Variants in WDR11 observed in about 807,000 individuals in gnomAD.
WDR11 encodes the protein WD repeat-containing protein 11.
A neutral mutation model predicts 151.2 loss-of-function variants in WDR11; 83 were observed. The observed-to-expected ratio is 0.55, with a 90% CI of 0.46 to 0.66. WDR11 has a LOEUF of 0.66. Ranked by LOEUF, WDR11 falls within the 30% of genes least tolerant of loss-of-function variation. The pLI, the probability that WDR11 is intolerant of heterozygous loss-of-function variation, is 0.00. For missense variants in WDR11, 1,301 were observed against 1,480.9 expected (o/e 0.88, Z 1.99); for synonymous variants, 484 against 533.1 (o/e 0.91, Z 1.27).
intron 20 of WDR11, 108 bp downstream of exon 20, chr10:120,900,245 T>A: frequency 1.0e-6 from 1 of 984,900 alleles, no homozygotes. Context: ...ATGGAGCCTT[T>A]AAAGCCGAGA....
In WDR11 at chr10:120,906,835, T is replaced by C. The variant is rs1564727721; in HGVS notation, c.3497T>C (p.Phe1166Ser). Residue 1166 changes from phenylalanine (F) to serine (S), a missense_variant, in exon 28 of 29, where the codon TTT becomes TCT. Phe to Ser is a radical substitution (Grantham distance 155). Around this residue, in one of 3 missense-constraint regions of WDR11, gnomAD observed 589 missense variants for 670.6 expected, o/e 0.88. Coordinates refer to ENST00000263461, the MANE Select transcript of WDR11 (RefSeq NM_018117.12). ...FVEACLKYGA[F>S]EVTEDTEKLI... The stretch of plus-strand genomic sequence containing the variant: ...GAAGCTTGCCTCAAGTATGGAGCAT[T>C]TGAAGTCACTGAGGACACAGATATC... 1.2e-6 allele frequency: 2 copies of C among 1,614,188 alleles called. No individual in the cohort carries two copies. Among genetic ancestry groups the C allele is most frequent in the African/African-American group, 1.3e-5 (1 of 75,056 alleles).
At position 120,865,624 on chromosome 10, in the gene WDR11, T is replaced by A. The variant is rs745322297; in HGVS notation, c.880-6T>A. 6.4e-7 allele frequency: 1 copy of A among 1,574,552 alleles called. No homozygotes were observed. Among genetic ancestry groups the A allele is most frequent in the Admixed American group, 1.7e-5 (1 of 59,838 alleles). ...TTTAAAAAATAAATATATCATCTATTTAAAGGTAATACCCTGCTTTCAGCG... is the reference window on the plus strand; with the variant it reads ...TTTAAAAAATAAATATATCATCTATATAAAGGTAATACCCTGCTTTCAGCG... On this transcript the variant is annotated splice_polypyrimidine_tract_variant and splice_region_variant and intron_variant, in intron 6 of 28. Transcript: ENST00000263461.
chr10:120,860,740 T>C (rs561174863), intron 4 of WDR11, among the ~76,000 whole-genome samples: 21 of 152,168 alleles, frequency 1.4e-4, no homozygotes, highest in Non-Finnish European at 2.6e-4. Context: ...CCTAAGCAAG[T>C]TTTTTCTTGC....
chr10:120,894,360 A>G (rs1259486205), intron 19 of WDR11, among the ~76,000 whole-genome samples: 1 of 152,200 alleles, frequency 6.6e-6, no homozygotes, highest in African/African-American at 2.4e-5. Flanking sequence ...TTCATCTGCC[A>G]CAGCTTTCCA....
At position 120,851,429 on chromosome 10, in the gene WDR11, C is replaced by G; in HGVS notation, c.9C>G (p.Pro3=). ...CTGGGCTGGCCGCCGGGATGTTGCC[C>G]TACACAGTGAACTTCAAGGTGTCGG... ML[P]YTVNFKVSAR... is the part of the protein sequence containing the mutation. Residue 3 remains proline (P), a synonymous_variant, in exon 1 of 29, where the codon CCC becomes CCG. Coordinates refer to ENST00000263461, the MANE Select transcript of WDR11 (RefSeq NM_018117.12). 6.2e-7 allele frequency: 1 copy of G among 1,611,384 alleles called. No individual in the cohort carries two copies. The highest frequency in any genetic ancestry group is 2.2e-5 in the East Asian group (1 of 44,808).
intron 27 of WDR11, chr10:120,906,346 G>A (rs916862490): frequency 7.9e-7 from 1 of 1,262,766 alleles, no homozygotes; most frequent in Non-Finnish European, 1.0e-6. Flanking sequence ...AGAGCAGGGG[G>A]AGAGGCGACA....
intron 18 of WDR11, 102 bp from the exon 19 acceptor site, chr10:120,890,614 A>C: frequency 7.1e-7 from 1 of 1,409,834 alleles, no homozygotes; most frequent in Middle Eastern, 1.8e-4. Flanking sequence ...TCTAAACTTG[A>C]ACTGGGCCTT....
chr10:120,856,203 C>G (rs1198395702), intron 2 of WDR11: 1 of 152,084 alleles, frequency 6.6e-6, no homozygotes. Context: ...AGTATTTCAC[C>G]TTTGTTTTCG....
In WDR11 at chr10:120,867,171, T is replaced by C; in HGVS notation, c.1294+2T>C. 6.2e-7 allele frequency: 1 copy of C among 1,608,192 alleles called. No individual in the cohort carries two copies. Among genetic ancestry groups the C allele is most frequent in the Non-Finnish European group, 8.5e-7 (1 of 1,174,792 alleles). ...ACCTTTCCTTAGATAACATGATTGG[T>C]AAGCTTTTTTCCCCTCTAACTCCAT... On this transcript the variant is annotated splice_donor_variant, in intron 9 of 28. Coordinates refer to ENST00000263461, the MANE Select transcript of WDR11 (RefSeq NM_018117.12). LOFTEE classifies it high-confidence loss of function.
chr10:120,890,230 G>T (rs921907752), intron 18 of WDR11, among the ~76,000 whole-genome samples: 5 of 151,304 alleles, frequency 3.3e-5, no homozygotes, highest in Admixed American at 3.3e-4. Flanking sequence ...TTTTTATTTT[G>T]ATATGGAGTT....
chr10:120,874,914 G>C (rs1443514159), intron 11 of WDR11, among the ~76,000 whole-genome samples: 1 of 151,740 alleles, frequency 6.6e-6, no homozygotes, highest in Non-Finnish European at 1.5e-5. Context: ...CGTCATCTAG[G>C]TTTTAAGCCC....
intron 26 of WDR11, 162 bp downstream of exon 26, chr10:120,905,578 A>G: frequency 2.5e-6 from 2 of 813,760 alleles, no homozygotes. Flanking sequence ...ATGAGTGTAA[A>G]TTGCATTACT....
rs115242358 is a variant in WDR11, at chr10:120,869,021, C to T, written c.1294+1852C>T. On this transcript the variant is annotated intron_variant, in intron 9 of 28. Transcript: ENST00000263461. Reference sequence around the variant, plus strand: ...AAGTGAAAAGAATTATAAACACACACAAGAACAGCACTAATCAGTTATATG... The same window carrying T: ...AAGTGAAAAGAATTATAAACACACATAAGAACAGCACTAATCAGTTATATG... Among the ~76,000 whole-genome samples the T allele has an allele frequency of 5.4e-3, 811 of 150,744 alleles. 11 individuals are homozygous for T. Among genetic ancestry groups the T allele is most frequent in the African/African-American group, 0.019 (764 of 41,122 alleles).
intron 13 of WDR11, among the ~76,000 whole-genome samples, chr10:120,883,458 A>C (rs1428762881): frequency 6.6e-6 from 1 of 152,172 alleles, no homozygotes; most frequent in African/African-American, 2.4e-5. Flanking sequence ...ATTGAGGTAC[A>C]TGATGAGATT....
intron 9 of WDR11, among the ~76,000 whole-genome samples, chr10:120,869,106 G>GTTTTT (rs35675368): frequency 1.2e-5 from 1 of 82,012 alleles, no homozygotes. Flanking sequence ...TAAATTACAG[G>GTTTTT]TTTTTTTTTT....
intron 6 of WDR11, 145 bp from the exon 7 acceptor site, chr10:120,865,485 T>G (rs1252403958): frequency 8.7e-6 from 6 of 686,284 alleles, no homozygotes; most frequent in Non-Finnish European, 1.5e-5. Context: ...AATGGATATT[T>G]TAAATGTACA....
chr10:120,887,294 C>T (rs1847255776), intron 16 of WDR11, among the ~76,000 whole-genome samples: 1 of 152,116 alleles, frequency 6.6e-6, no homozygotes, highest in Non-Finnish European at 1.5e-5. Context: ...GTATTATTAA[C>T]ATTTACTAAC....
At chr10:120,891,097 T>A (rs908217836) in intron 19 of WDR11, among the ~76,000 whole-genome samples, 7 of 145,404 alleles carry the variant, frequency 4.8e-5, no homozygotes, top group Admixed American at 4.3e-4. Context: ...TCATTCTCAA[T>A]TCAGGTTTTT....
chr10:120,886,875 T>C, intron 16 of WDR11, 39 bp downstream of exon 16: 1 of 1,612,196 alleles, frequency 6.2e-7, no homozygotes, highest in Non-Finnish European at 8.5e-7. Context: ...CAAGAAGATT[T>C]TGTTTTGTTG....
Sources: allele counts gnomAD v4.1 joint callset (sites outside exome capture counted in the v4.1 genomes callset), GRCh38; gene constraint gnomAD v4.1.1; regional missense constraint gnomAD v4.1.1; transcripts MANE v1.5; gene names NCBI Gene and HGNC (gene_info 2026-07-23, HGNC 2026-07-21).